Variants in SNCAIP observed in about 807,000 individuals in gnomAD.
The protein encoded by SNCAIP is synphilin-1.
Under a neutral mutation model 86.7 loss-of-function variants are expected in SNCAIP, and 43 were observed. That is an observed-to-expected ratio of 0.50 (90% CI 0.39 to 0.64). SNCAIP has a LOEUF of 0.64. SNCAIP is among the 30% of genes least tolerant of loss of function. The pLI is 0.00. For synonymous variants in SNCAIP, 417 were observed against 427.2 expected (o/e 0.98, Z 0.29); for missense variants, 981 against 1,103.1 (o/e 0.89, Z 1.57).
chr5:122,421,364 T>C (rs944363080), intron 3 of SNCAIP, among the ~76,000 whole-genome samples: 13 of 152,200 alleles, frequency 8.5e-5, no homozygotes, highest in African/African-American at 3.1e-4. Context: ...GCACTCACTC[T>C]CATCCCGTTA....
intron 1 of SNCAIP, among the ~76,000 whole-genome samples, chr5:122,328,358 G>A (rs1006459899): frequency 1.4e-4 from 22 of 152,192 alleles, no homozygotes; most frequent in African/African-American, 5.1e-4. Context: ...GTCTGCACCC[G>A]CAAAGTAAAC....
At chr5:122,359,310 G>C (rs1580667338) in intron 1 of SNCAIP, among the ~76,000 whole-genome samples, 1 of 151,144 alleles carries the variant, frequency 6.6e-6, no homozygotes, top group East Asian at 1.9e-4. Context: ...TTTTATATCT[G>C]ATGTCTTATT....
At chr5:122,406,025 A>G (rs560551422) in intron 3 of SNCAIP, among the ~76,000 whole-genome samples, 32 of 152,322 alleles carry the variant, frequency 2.1e-4, no homozygotes, top group Admixed American at 1.4e-3. Flanking sequence ...ATGGAATTGC[A>G]TGTACATTTC....
At chr5:122,353,378 T>C (rs1021332376) in intron 1 of SNCAIP, among the ~76,000 whole-genome samples, 10 of 149,660 alleles carry the variant, frequency 6.7e-5, no homozygotes, top group South Asian at 2.1e-4. Context: ...CATCGTTATA[T>C]AATTATGATT....
chr5:122,324,906 A>T (rs1293032677), intron 1 of SNCAIP, among the ~76,000 whole-genome samples: 2 of 152,290 alleles, frequency 1.3e-5, no homozygotes, highest in East Asian at 3.9e-4. Flanking sequence ...ATCTCCCAAA[A>T]CACCTGACAG....
intron 7 of SNCAIP, chr5:122,444,246 C>G (rs1561786577): frequency 2.0e-6 from 1 of 494,152 alleles, no homozygotes; most frequent in African/African-American, 1.9e-5. Context: ...ATGAGTGATT[C>G]TCTTGGAGCC....
At chr5:122,376,286 A>G (rs752693015) in intron 1 of SNCAIP, among the ~76,000 whole-genome samples, 10 of 152,302 alleles carry the variant, frequency 6.6e-5, no homozygotes, top group Non-Finnish European at 1.5e-4. Flanking sequence ...TAAAATGGCA[A>G]TCAGGGTTGT....
chr5:122,327,119 G>A (rs915642974), intron 1 of SNCAIP, among the ~76,000 whole-genome samples: 13 of 152,028 alleles, frequency 8.6e-5, no homozygotes, highest in African/African-American at 3.1e-4. Context: ...TGCCTCAAGT[G>A]AAATAAAGTC....
chr5:122,452,902 G>A (rs559837146), intron 10 of SNCAIP: 2 of 1,496,922 alleles, frequency 1.3e-6, no homozygotes, highest in Non-Finnish European at 1.8e-6. Flanking sequence ...GTTTTCAGAT[G>A]ATTTTTAATT....
chr5:122,328,951 C>G (rs1355222442), intron 1 of SNCAIP, among the ~76,000 whole-genome samples: 1 of 152,114 alleles, frequency 6.6e-6, no homozygotes, highest in Admixed American at 6.5e-5. Context: ...GCTTCTTACC[C>G]TGTCAACTCA....
At chr5:122,410,150 A>T (rs1193037261) in intron 3 of SNCAIP, among the ~76,000 whole-genome samples, 1 of 152,242 alleles carries the variant, frequency 6.6e-6, no homozygotes, top group East Asian at 1.9e-4. Context: ...ACAAAATATA[A>T]TTATAAAGGT....
At chr5:122,452,399 G>C (rs1292125976) in intron 10 of SNCAIP, among the ~76,000 whole-genome samples, 1 of 152,160 alleles carries the variant, frequency 6.6e-6, no homozygotes, top group African/African-American at 2.4e-5. Flanking sequence ...GAATGACCTA[G>C]ATCATTCTCC....
At chr5:122,335,583 G>C (rs62381678) in intron 1 of SNCAIP, among the ~76,000 whole-genome samples, 2,823 of 152,320 alleles carry the variant, frequency 0.019, 49 homozygotes, top group Non-Finnish European at 0.03. Context: ...CCAGGAAACA[G>C]AATCTGTGCA....
At chr5:122,352,178 TC>T (rs1760002143) in intron 1 of SNCAIP, among the ~76,000 whole-genome samples, 1 of 152,188 alleles carries the variant, frequency 6.6e-6, no homozygotes, top group Admixed American at 6.5e-5. Flanking sequence ...AAAAACGAGT[TC>T]TTGTGTTATC....
intron 9 of SNCAIP, 146 bp downstream of exon 9, chr5:122,450,083 GA>G (rs1783385722): frequency 7.6e-6 from 5 of 662,064 alleles, no homozygotes; most frequent in Admixed American, 2.5e-5. Flanking sequence ...AAATCACAGT[GA>G]AAAAGGCACT....
chr5:122,323,829 A>G (rs142145875), intron 1 of SNCAIP, among the ~76,000 whole-genome samples: 10 of 152,328 alleles, frequency 6.6e-5, no homozygotes, highest in African/African-American at 4.8e-5. Context: ...TAAAATGTGC[A>G]TGTAGGAAAC....
At chr5:122,397,931 G>C (rs1227822605) in intron 2 of SNCAIP, among the ~76,000 whole-genome samples, 1 of 152,104 alleles carries the variant, frequency 6.6e-6, no homozygotes, top group Admixed American at 6.6e-5. Flanking sequence ...AACAGTTGAT[G>C]GTGGCAAATA....
At chr5:122,363,660 C>T (rs1762608343) in intron 1 of SNCAIP, among the ~76,000 whole-genome samples, 1 of 147,766 alleles carries the variant, frequency 6.8e-6, no homozygotes, top group African/African-American at 2.5e-5. Context: ...GCACCTAGAA[C>T]AGTGCTAGAC....
intron 1 of SNCAIP, among the ~76,000 whole-genome samples, chr5:122,380,153 G>A (rs924293478): frequency 6.6e-6 from 1 of 152,150 alleles, no homozygotes; most frequent in African/African-American, 2.4e-5. Context: ...GAATTCGGCT[G>A]TGAATCCATC....
Sources: allele counts gnomAD v4.1 joint callset (sites outside exome capture counted in the v4.1 genomes callset), GRCh38; gene constraint gnomAD v4.1.1; transcripts MANE v1.5; gene names NCBI Gene and HGNC (gene_info 2026-07-23, HGNC 2026-07-21).